The following SCFD2 variants were observed in gnomAD, a reference collection of about 807,000 sequenced individuals.
The protein encoded by SCFD2 is sec1 family domain-containing protein 2.
SCFD2 carries 54 observed loss-of-function variants against 58.9 expected under a neutral mutation model. The ratio of observed to expected loss-of-function variants is 0.92; its 90% confidence interval spans 0.74 to 1.15. The LOEUF is 1.15. Among genes scored for constraint, SCFD2 ranks in the 50% most tolerant of loss-of-function variants. The pLI is 0.00. For synonymous variants in SCFD2, 321 were observed against 335.9 expected, an observed-to-expected ratio of 0.96 and a Z score of 0.49; for missense variants, 805 against 836.6, an observed-to-expected ratio of 0.96 and a Z score of 0.47.
chr4:53,044,248 G>A (rs1466910768), intron 5 of SCFD2, among the ~76,000 whole-genome samples: 2 of 152,054 alleles, frequency 1.3e-5, no homozygotes, highest in Admixed American at 1.3e-4. Flanking sequence ...AGAGTCTGAG[G>A]CTCTACCTCC....
intron 5 of SCFD2, among the ~76,000 whole-genome samples, chr4:53,036,464 C>G (rs1376633274): frequency 6.6e-6 from 1 of 150,882 alleles, no homozygotes; most frequent in Non-Finnish European, 1.5e-5. Flanking sequence ...CAATAGTAGA[C>G]CGGATAAAGA....
intron 4 of SCFD2, among the ~76,000 whole-genome samples, chr4:53,214,340 C>T (rs576707956): frequency 6.6e-5 from 10 of 152,188 alleles, no homozygotes; most frequent in Non-Finnish European, 1.0e-4. Flanking sequence ...TTTTGATGAT[C>T]GCCATTCTAA....
At chr4:53,096,241 G>C (rs1724629069) in intron 5 of SCFD2, among the ~76,000 whole-genome samples, 1 of 152,202 alleles carries the variant, frequency 6.6e-6, no homozygotes, top group Admixed American at 6.6e-5. Flanking sequence ...CCAGTAATGG[G>C]ATGGCTGGGT....
intron 8 of SCFD2, among the ~76,000 whole-genome samples, chr4:52,877,706 C>G (rs1244401757): frequency 6.6e-6 from 1 of 152,240 alleles, no homozygotes; most frequent in Non-Finnish European, 1.5e-5. Context: ...CGGCTGCATC[C>G]TTCCACCCAG....
intron 7 of SCFD2, 77 bp from the exon 8 acceptor site, chr4:52,885,943 G>A: frequency 6.4e-7 from 1 of 1,572,034 alleles, no homozygotes; most frequent in Non-Finnish European, 8.7e-7. Context: ...CATCTTCATT[G>A]TCCCTCTGTA....
chr4:53,129,389 T>A (rs1725723417), intron 5 of SCFD2, among the ~76,000 whole-genome samples: 1 of 152,220 alleles, frequency 6.6e-6, no homozygotes, highest in South Asian at 2.1e-4. Flanking sequence ...GCCTAAAAAG[T>A]CAGGCTTCTG....
intron 5 of SCFD2, among the ~76,000 whole-genome samples, chr4:53,020,265 A>G (rs1237310629): frequency 2.0e-5 from 3 of 152,348 alleles, no homozygotes; most frequent in Admixed American, 1.3e-4. Context: ...TGCCTTTTCA[A>G]ATCAAACTAT....
At chr4:53,195,637 C>CA (rs1728036304) in intron 4 of SCFD2, among the ~76,000 whole-genome samples, 1 of 152,158 alleles carries the variant, frequency 6.6e-6, no homozygotes. Context: ...ATGCTAAAAA[C>CA]AGATGTGCTA....
chr4:52,933,597 A>G (rs1458003285), intron 5 of SCFD2, among the ~76,000 whole-genome samples: 1 of 152,042 alleles, frequency 6.6e-6, no homozygotes, highest in African/African-American at 2.4e-5. Flanking sequence ...GGATGGGGAG[A>G]GTTAAAGAAC....
chr4:52,979,065 T>TTGGGG (rs146837646), intron 5 of SCFD2, among the ~76,000 whole-genome samples: 1 of 146,892 alleles, frequency 6.8e-6, no homozygotes, highest in African/African-American at 2.5e-5. Context: ...GGCCTTTTTT[T>TTGGGG]GGGGGGGGGA....
At chr4:53,254,317 A>T (rs1482705103) in intron 4 of SCFD2, among the ~76,000 whole-genome samples, 3 of 151,946 alleles carry the variant, frequency 2.0e-5, no homozygotes. Flanking sequence ...ACAAGATCTG[A>T]TGGTTTTATA....
At chr4:52,876,001 A>T (rs1718464969) in intron 8 of SCFD2, among the ~76,000 whole-genome samples, 1 of 151,572 alleles carries the variant, frequency 6.6e-6, no homozygotes, top group African/African-American at 2.4e-5. Flanking sequence ...CATGATTTAG[A>T]CACCGTTTGA....
chr4:53,135,174 T>A (rs1445935625), intron 5 of SCFD2, among the ~76,000 whole-genome samples: 1 of 152,166 alleles, frequency 6.6e-6, no homozygotes, highest in African/African-American at 2.4e-5. Context: ...CATCTGGAGA[T>A]CTTTTAGATT....
At chr4:53,064,573 C>T (rs1222295568) in intron 5 of SCFD2, among the ~76,000 whole-genome samples, 2 of 151,992 alleles carry the variant, frequency 1.3e-5, no homozygotes, top group African/African-American at 4.8e-5. Context: ...AAGTAACAGT[C>T]CTAGATCACT....
At chr4:52,983,984 A>C (rs1363852556) in intron 5 of SCFD2, among the ~76,000 whole-genome samples, 1 of 152,184 alleles carries the variant, frequency 6.6e-6, no homozygotes, top group Non-Finnish European at 1.5e-5. Flanking sequence ...CTCACCCCAA[A>C]TATTGACTCC....
chr4:53,215,661 A>G (rs570670426), intron 4 of SCFD2, among the ~76,000 whole-genome samples: 1 of 152,022 alleles, frequency 6.6e-6, no homozygotes, highest in South Asian at 2.1e-4. Context: ...TGATTGTCCT[A>G]GCCAGAACTT....
chr4:53,350,969 C>G (rs1307189809), intron 2 of SCFD2, among the ~76,000 whole-genome samples: 1 of 152,162 alleles, frequency 6.6e-6, no homozygotes, highest in Non-Finnish European at 1.5e-5. Context: ...CTCAGCCTCC[C>G]AAAGTGCTGG....
chr4:52,980,595 G>A (rs1274898787), intron 5 of SCFD2, among the ~76,000 whole-genome samples: 2 of 152,200 alleles, frequency 1.3e-5, no homozygotes, highest in East Asian at 3.8e-4. Context: ...AGTCCTTCAT[G>A]ACTTGGTGCC....
chr4:53,277,373 T>C (rs1011431203), intron 3 of SCFD2, among the ~76,000 whole-genome samples: 2 of 152,224 alleles, frequency 1.3e-5, no homozygotes, highest in African/African-American at 2.4e-5. Flanking sequence ...CATTTATTTA[T>C]ATAAACACTG....
Sources: allele counts gnomAD v4.1 joint callset (sites outside exome capture counted in the v4.1 genomes callset), GRCh38; gene constraint gnomAD v4.1.1; transcripts MANE v1.5; gene names NCBI Gene and HGNC (gene_info 2026-07-23, HGNC 2026-07-21).